LTBP1: variants seen among roughly 807,000 people sequenced by gnomAD.
LTBP1 encodes latent transforming growth factor beta binding protein 1.
Under a neutral mutation model 207.6 loss-of-function variants are expected in LTBP1, and 129 were observed. That is an observed-to-expected ratio of 0.62 (90% CI 0.54 to 0.72). LTBP1 has a LOEUF of 0.72. Ranked by LOEUF, LTBP1 falls within the 30% of genes least tolerant of loss-of-function variation. The probability of loss-of-function intolerance (pLI) is 0.00; values close to 1 mark genes in which losing one functional copy is unlikely to be tolerated. For missense variants in LTBP1, 2,281 were observed against 2,217.2 expected (o/e 1.03, Z -0.58); for synonymous variants, 963 against 833.7 (o/e 1.16, Z -2.67).
chr2:33,176,806 C>G (rs749027357), intron 5 of LTBP1, among the ~76,000 whole-genome samples: 3 of 152,110 alleles, frequency 2.0e-5, no homozygotes, highest in African/African-American at 7.2e-5. Context: ...ATAGTGATTT[C>G]GACACCTTGC....
intron 3 of LTBP1, among the ~76,000 whole-genome samples, chr2:33,029,693 G>A (rs186955106): frequency 1.5e-3 from 222 of 152,276 alleles, no homozygotes; most frequent in Admixed American, 3.1e-3. Flanking sequence ...TTTGTTCCAT[G>A]TTCTCCTTGC....
At chr2:33,165,910 C>G (rs1282164137) in intron 5 of LTBP1, among the ~76,000 whole-genome samples, 1 of 152,142 alleles carries the variant, frequency 6.6e-6, no homozygotes. Context: ...AGGTTTCCAG[C>G]TTTGATGGTA....
chr2:32,996,292 T>C (rs1000081311), intron 2 of LTBP1, among the ~76,000 whole-genome samples: 1 of 152,124 alleles, frequency 6.6e-6, no homozygotes, highest in Non-Finnish European at 1.5e-5. Context: ...TAACTTCACG[T>C]GGTGGAAGGG....
intron 12 of LTBP1, among the ~76,000 whole-genome samples, chr2:33,257,907 G>A (rs2092907236): frequency 6.6e-6 from 1 of 152,172 alleles, no homozygotes; most frequent in Non-Finnish European, 1.5e-5. Context: ...AAGCATTAAG[G>A]TCTAATGGGC....
chr2:33,021,419 T>C (rs559360578), intron 3 of LTBP1, among the ~76,000 whole-genome samples: 2 of 152,314 alleles, frequency 1.3e-5, no homozygotes, highest in East Asian at 3.9e-4. Context: ...GCAGGAAATT[T>C]TACCATAAGT....
At chr2:33,046,735 C>G (rs1454818708) in intron 3 of LTBP1, among the ~76,000 whole-genome samples, 1 of 152,120 alleles carries the variant, frequency 6.6e-6, no homozygotes, top group Non-Finnish European at 1.5e-5. Context: ...GTGAATCTGT[C>G]TGGTCCTGGA....
At chr2:33,346,498 A>C (rs920509034) in intron 25 of LTBP1, among the ~76,000 whole-genome samples, 31 of 152,036 alleles carry the variant, frequency 2.0e-4, no homozygotes, top group African/African-American at 7.5e-4. Context: ...ATCCTGGCCA[A>C]CATGGTGAAA....
At chr2:33,308,124 A>G (rs1383299893) in intron 22 of LTBP1, among the ~76,000 whole-genome samples, 1 of 152,244 alleles carries the variant, frequency 6.6e-6, no homozygotes, top group African/African-American at 2.4e-5. Flanking sequence ...TTCGTTGCTA[A>G]TAACTTAAAT....
chr2:33,290,981 CCTT>C (rs1225700448), intron 19 of LTBP1, among the ~76,000 whole-genome samples: 1 of 152,230 alleles, frequency 6.6e-6, no homozygotes, highest in Non-Finnish European at 1.5e-5. Flanking sequence ...TGGAGACCTT[CCTT>C]CTTTGTAGAG....
intron 26 of LTBP1, among the ~76,000 whole-genome samples, chr2:33,359,096 GT>G (rs779383608): frequency 2.0e-5 from 3 of 152,148 alleles, no homozygotes; most frequent in Non-Finnish European, 4.4e-5. Flanking sequence ...CTTGTTCTAG[GT>G]TTGCATTTGT....
intron 7 of LTBP1, among the ~76,000 whole-genome samples, chr2:33,199,583 C>G (rs12328471): frequency 0.054 from 8,167 of 152,200 alleles, 724 homozygotes; most frequent in African/African-American, 0.19. Context: ...GATGCCCTCT[C>G]TCACCATTCC....
chr2:33,344,872 C>G (rs1419721962), intron 25 of LTBP1, among the ~76,000 whole-genome samples: 1 of 152,106 alleles, frequency 6.6e-6, no homozygotes, highest in Non-Finnish European at 1.5e-5. Context: ...ACCTGGAAAC[C>G]ATGTCAGCTA....
At chr2:33,086,213 A>C (rs886979782) in intron 3 of LTBP1, among the ~76,000 whole-genome samples, 22 of 152,218 alleles carry the variant, frequency 1.4e-4, no homozygotes, top group African/African-American at 5.1e-4. Flanking sequence ...TCAGCTCCTG[A>C]GTGAGGAGAC....
intron 19 of LTBP1, 91 bp downstream of exon 19, chr2:33,280,249 CAAAATGAA>C (rs2093532854): frequency 7.9e-7 from 1 of 1,273,260 alleles, no homozygotes; most frequent in South Asian, 2.2e-5. Context: ...AGCCCTCTTT[CAAAATGAA>C]AAAATGAAAT....
chr2:33,004,120 G>A lies in LTBP1; in HGVS notation c.566-16789G>A, dbSNP rs1686432642. ...TATCATTTTTTTTTTTTTAAAGAGAGTCTGCCTCGCTGATTGTTACTTAGG... is the reference window on the plus strand; with the variant it reads ...TATCATTTTTTTTTTTTTAAAGAGAATCTGCCTCGCTGATTGTTACTTAGG... On this transcript the variant is annotated intron_variant, in intron 2 of 33. Transcript: ENST00000404816. Among the ~76,000 whole-genome samples the A allele has an allele frequency of 2.0e-5, 3 of 149,816 alleles. No homozygotes were observed. In the South Asian group the frequency reaches 6.3e-4, roughly 32 times the overall value.
At chr2:33,308,968 A>C (rs568518871) in intron 22 of LTBP1, among the ~76,000 whole-genome samples, 3 of 152,038 alleles carry the variant, frequency 2.0e-5, no homozygotes, top group Non-Finnish European at 4.4e-5. Context: ...TCTTCCATTT[A>C]ATTTCATTTG....
chr2:33,090,550 T>G (rs1558623687), intron 3 of LTBP1, among the ~76,000 whole-genome samples: 1 of 152,162 alleles, frequency 6.6e-6, no homozygotes, highest in Non-Finnish European at 1.5e-5. Flanking sequence ...CTCATCACAA[T>G]GTCATGAGGT....
Position 33,399,402 on chromosome 2 carries a change from A to G in LTBP1, c.*857A>G, listed in dbSNP as rs1574178478. The G allele has an allele frequency of 1.3e-5, 2 of 152,220 alleles. No homozygotes were observed. Among genetic ancestry groups the G allele is most frequent in the Non-Finnish European group, 2.9e-5 (2 of 68,036 alleles). The allele number at this position is 152,220 out of a possible 1,614,324, so 9.4% of individuals were successfully genotyped here. A position where few individuals can be genotyped will look rare whatever the true frequency, so the allele number is the denominator to read the frequency against. ...TAATTGTCAATGAGTACATGTGTAT[A>G]AGTTGTATCCCACTCTCCCCACTTT... On this transcript the variant is annotated 3_prime_UTR_variant, in exon 34 of 34. Transcript: ENST00000404816.
chr2:33,300,506 C>T lies in LTBP1; in HGVS notation c.3291C>T (p.Thr1097=), dbSNP rs139759776. The T allele has an allele frequency of 2.9e-5, 47 of 1,613,610 alleles. No individual in the cohort carries two copies. The African/African-American group carries it at 3.7e-4, about 13-fold the overall frequency. Residue 1097 remains threonine, a synonymous_variant, in exon 21 of 34, where the codon ACC becomes ACT. Transcript: ENST00000404816. The part of the protein sequence containing the change: ...NLCVNGQCKN[T]EGSFRCTCGQ... ...GTGTAAACGGGCAGTGCAAAAATAC[C>T]GAGGGCTCCTTCAGGTGCACCTGTG...
Sources: gnomAD v4.1 joint callset for allele counts (sites outside exome capture counted in the v4.1 genomes callset) on GRCh38, gnomAD v4.1.1 for gene constraint, MANE v1.5 for transcripts, NCBI Gene and HGNC (gene_info 2026-07-23, HGNC 2026-07-21) for gene names.